DYSF: variants seen among roughly 807,000 people sequenced by gnomAD.
The protein encoded by DYSF is dystrophy-associated fer-1-like 1.
Under a neutral mutation model 274.9 loss-of-function variants are expected in DYSF, and 212 were observed. The observed-to-expected ratio is 0.77, with a 90% CI of 0.69 to 0.86. The LOEUF (loss-of-function observed/expected upper bound fraction) is 0.86, where lower values mean the gene tolerates loss of function less well. Among genes scored for constraint, DYSF ranks in the 40% least tolerant of loss-of-function variants. The pLI, the probability that DYSF is intolerant of heterozygous loss-of-function variation, is 0.00. For synonymous variants in DYSF, 1,091 were observed against 1,078.7 expected (o/e 1.01, Z -0.22); for missense variants, 2,666 against 2,783.2 (o/e 0.96, Z 0.95).
intron 30 of DYSF, among the ~76,000 whole-genome samples, chr2:71,579,780 A>G (rs902821412): frequency 3.3e-5 from 5 of 152,314 alleles, no homozygotes; most frequent in East Asian, 3.9e-4. Flanking sequence ...CCCCAATCAG[A>G]CAGGCCACAT....
chr2:71,512,994 C>T (rs1356829440), intron 5 of DYSF, among the ~76,000 whole-genome samples: 1 of 152,122 alleles, frequency 6.6e-6, no homozygotes, highest in Non-Finnish European at 1.5e-5. Flanking sequence ...GGTCCGAATA[C>T]TCTGGGACTG....
intron 53 of DYSF, among the ~76,000 whole-genome samples, chr2:71,680,590 A>G (rs1308114977): frequency 2.0e-5 from 3 of 152,266 alleles, no homozygotes; most frequent in Non-Finnish European, 2.9e-5. Context: ...TTTACTAAAT[A>G]ATTATGGTCA....
chr2:71,476,061 T>C (rs893424692), intron 1 of DYSF, among the ~76,000 whole-genome samples: 3 of 152,166 alleles, frequency 2.0e-5, no homozygotes, highest in Non-Finnish European at 4.4e-5. Flanking sequence ...TGTGAGGACC[T>C]CACTGGCCCC....
At chr2:71,668,620 T>G in intron 48 of DYSF, 134 bp from the exon 49 acceptor site, 1 of 813,138 alleles carries the variant, frequency 1.2e-6, no homozygotes, top group South Asian at 1.6e-5. Flanking sequence ...GTCCCCTGTT[T>G]AGGGCAGTGA....
At position 71,636,304 on chromosome 2, in the gene DYSF, G is replaced by A. The variant is rs1290755043; in HGVS notation, c.4528-7661G>A. Among the ~76,000 whole-genome samples, 6 of 152,166 alleles carry A rather than the reference G, an allele frequency of 3.9e-5. No homozygotes were observed. In the South Asian group the frequency reaches 8.3e-4, roughly 21 times the overall value. The stretch of plus-strand genomic sequence containing the variant: ...TGAGCACGGATTCAGGGAGCAGGAC[G>A]GCAAAGGTGAAGGTGGGGAGGCCAG... On this transcript the variant is annotated intron_variant, in intron 41 of 55. Coordinates refer to ENST00000410020, the MANE Select transcript of DYSF (RefSeq NM_001130987.2).
chr2:71,626,533 T>A (rs1011435897), intron 41 of DYSF, among the ~76,000 whole-genome samples: 11 of 151,688 alleles, frequency 7.3e-5, no homozygotes, highest in Non-Finnish European at 8.9e-5. Flanking sequence ...AATAAATATA[T>A]CTATATTAGT....
intron 41 of DYSF, among the ~76,000 whole-genome samples, chr2:71,621,944 C>A (rs2094112278): frequency 6.6e-6 from 1 of 152,152 alleles, no homozygotes; most frequent in Non-Finnish European, 1.5e-5. Flanking sequence ...CAGGCGTGAG[C>A]CACCACACCC....
chr2:71,567,919 A>T, intron 24 of DYSF, 32 bp from the exon 25 acceptor site: 2 of 1,612,666 alleles, frequency 1.2e-6, no homozygotes, highest in Non-Finnish European at 1.7e-6. Flanking sequence ...CCTGAAGGGG[A>T]CTGTGGGTTT....
chr2:71,595,817 CTG>C (rs1317728233), intron 32 of DYSF, among the ~76,000 whole-genome samples: 2 of 152,168 alleles, frequency 1.3e-5, no homozygotes, highest in Non-Finnish European at 2.9e-5. Context: ...GGGTGTGGCC[CTG>C]GGGAGAGCCC....
At chr2:71,683,730 C>T (rs767373784) in intron 55 of DYSF, among the ~76,000 whole-genome samples, 21 of 152,212 alleles carry the variant, frequency 1.4e-4, no homozygotes, top group Non-Finnish European at 2.6e-4. Context: ...AGCACCAGGC[C>T]ACTGGCCCAG....
chr2:71,499,520 C>T (rs549839597), intron 3 of DYSF, among the ~76,000 whole-genome samples: 1 of 152,244 alleles, frequency 6.6e-6, no homozygotes. Context: ...GATTCCCACC[C>T]TCCCACATGC....
chr2:71,496,755 A>C (rs1257216482), intron 3 of DYSF, among the ~76,000 whole-genome samples: 1 of 152,154 alleles, frequency 6.6e-6, no homozygotes, highest in African/African-American at 2.4e-5. Context: ...AGTGCCTCCA[A>C]GGTCAACAAG....
At chr2:71,591,901 G>A (rs899219318) in intron 32 of DYSF, among the ~76,000 whole-genome samples, 4 of 152,200 alleles carry the variant, frequency 2.6e-5, no homozygotes, top group Non-Finnish European at 4.4e-5. Context: ...TTTGCTTTGG[G>A]GCCAGGGTCC....
At chr2:71,612,131 C>T (rs929050787) in intron 38 of DYSF, among the ~76,000 whole-genome samples, 3 of 152,344 alleles carry the variant, frequency 2.0e-5, no homozygotes, top group South Asian at 2.1e-4. Context: ...AAGATGAAAG[C>T]GCTGTAGAAA....
chr2:71,493,548 G>C (rs1001080694), intron 3 of DYSF, among the ~76,000 whole-genome samples: 3 of 152,164 alleles, frequency 2.0e-5, no homozygotes, highest in African/African-American at 7.2e-5. Flanking sequence ...ATTTAAGGAG[G>C]TAAAGAAACA....
At chr2:71,622,821 G>A (rs1034222092) in intron 41 of DYSF, among the ~76,000 whole-genome samples, 1 of 152,102 alleles carries the variant, frequency 6.6e-6, no homozygotes, top group Non-Finnish European at 1.5e-5. Flanking sequence ...CACCATCTTG[G>A]CCAGGCTGAT....
chr2:71,543,414 C>G (rs1374421253), intron 17 of DYSF, among the ~76,000 whole-genome samples: 6 of 141,588 alleles, frequency 4.2e-5, no homozygotes, highest in Non-Finnish European at 9.1e-5. Flanking sequence ...ACATCCCAGA[C>G]GATGGGCGGC....
chr2:71,465,599 C>T (rs1192255807), upstream of DYSF, among the ~76,000 whole-genome samples: 1 of 152,148 alleles, frequency 6.6e-6, no homozygotes, highest in East Asian at 1.9e-4. Context: ...GAGTTGGATT[C>T]GCCAGGGTTA....
chr2:71,464,164 G>A (rs1464759961), upstream of DYSF, among the ~76,000 whole-genome samples: 1 of 152,222 alleles, frequency 6.6e-6, no homozygotes, highest in Non-Finnish European at 1.5e-5. Flanking sequence ...GAAGCTCCCT[G>A]AGGGCAGGGA....
Sources: allele counts gnomAD v4.1 joint callset (sites outside exome capture counted in the v4.1 genomes callset), GRCh38; gene constraint gnomAD v4.1.1; transcripts MANE v1.5; gene names NCBI Gene and HGNC (gene_info 2026-07-23, HGNC 2026-07-21).